The following SEMA3C variants were observed in gnomAD, a reference collection of about 807,000 sequenced individuals.
SEMA3C encodes the protein semaphorin 3C, also known as semaphorin-3C.
SEMA3C carries 47 observed loss-of-function variants against 89.4 expected under a neutral mutation model. That is an observed-to-expected ratio of 0.53 (90% CI 0.42 to 0.67). The LOEUF (loss-of-function observed/expected upper bound fraction) is 0.67. SEMA3C is among the 30% of genes least tolerant of loss of function. The pLI is 0.00. For missense variants in SEMA3C, 839 were observed against 929.1 expected (o/e 0.90, Z 1.26); for synonymous variants, 310 against 320.2 (o/e 0.97, Z 0.34).
chr7:80,901,190 A>C (rs115526315), intron 2 of SEMA3C, among the ~76,000 whole-genome samples: 2,340 of 152,360 alleles, frequency 0.015, 59 homozygotes, highest in African/African-American at 0.053. Flanking sequence ...CAAGTTAGTT[A>C]GAATTAATAA....
chr7:80,892,168 C>T (rs1791630764), intron 2 of SEMA3C, among the ~76,000 whole-genome samples: 1 of 152,096 alleles, frequency 6.6e-6, no homozygotes, highest in Non-Finnish European at 1.5e-5. Context: ...GGCTTCTGTA[C>T]AGTATCTTTA....
At chr7:80,787,822 G>A (rs1788839030) in intron 12 of SEMA3C, among the ~76,000 whole-genome samples, 2 of 152,196 alleles carry the variant, frequency 1.3e-5, no homozygotes, top group South Asian at 4.1e-4. Context: ...AGAGCAGAGT[G>A]AGGAACAGTT....
At chr7:80,903,998 A>G (rs1272140403) in intron 2 of SEMA3C, among the ~76,000 whole-genome samples, 1 of 152,150 alleles carries the variant, frequency 6.6e-6, no homozygotes, top group African/African-American at 2.4e-5. Context: ...ACCTGTATTT[A>G]ATCCCCTATA....
chr7:80,799,899 C>T (rs79159662), intron 10 of SEMA3C, among the ~76,000 whole-genome samples: 53 of 148,504 alleles, frequency 3.6e-4, no homozygotes, highest in African/African-American at 1.3e-3. Flanking sequence ...TGCCTGTAAT[C>T]CCAACACTTT....
At chr7:80,837,498 C>G (rs1195957797) in intron 2 of SEMA3C, among the ~76,000 whole-genome samples, 1 of 152,108 alleles carries the variant, frequency 6.6e-6, no homozygotes, top group Admixed American at 6.6e-5. Context: ...TTAACATGGC[C>G]CTCCAGGCCT....
chr7:80,747,218 T>C (rs1389464774), intron 17 of SEMA3C, among the ~76,000 whole-genome samples: 1 of 152,092 alleles, frequency 6.6e-6, no homozygotes, highest in African/African-American at 2.4e-5. Context: ...AAAATAGTAA[T>C]ATTTGAGTCT....
At chr7:80,868,415 G>A (rs1055206452) in intron 2 of SEMA3C, among the ~76,000 whole-genome samples, 13 of 151,936 alleles carry the variant, frequency 8.6e-5, no homozygotes, top group African/African-American at 2.9e-4. Context: ...CTGTAGACAT[G>A]AGCCACCACA....
intron 12 of SEMA3C, among the ~76,000 whole-genome samples, chr7:80,768,985 G>C (rs998036986): frequency 6.6e-6 from 1 of 152,196 alleles, no homozygotes. Flanking sequence ...GTTCCCTGCT[G>C]CAGTTTGTAA....
At chr7:80,832,143 T>A (rs1052978799) in intron 2 of SEMA3C, among the ~76,000 whole-genome samples, 1 of 152,118 alleles carries the variant, frequency 6.6e-6, no homozygotes, top group Non-Finnish European at 1.5e-5. Context: ...AGCATAGAGA[T>A]GACTTGGTTG....
chr7:80,799,641 A>C (rs1789149218), intron 10 of SEMA3C, among the ~76,000 whole-genome samples: 1 of 151,368 alleles, frequency 6.6e-6, no homozygotes, highest in African/African-American at 2.4e-5. Context: ...CAGGAGTTTG[A>C]GACCAGCCTG....
At chr7:80,767,288 GA>G (rs943893064) in intron 12 of SEMA3C, among the ~76,000 whole-genome samples, 2 of 152,134 alleles carry the variant, frequency 1.3e-5, no homozygotes, top group Non-Finnish European at 2.9e-5. Context: ...TCAAAATGTA[GA>G]GGAAATTTTG....
intron 2 of SEMA3C, among the ~76,000 whole-genome samples, chr7:80,895,930 G>A (rs1447816939): frequency 1.3e-5 from 2 of 151,992 alleles, no homozygotes; most frequent in African/African-American, 4.8e-5. Context: ...ATTTAGGCCT[G>A]TGAATAAAAT....
At chr7:80,834,492 TTATAA>T (rs1275606182) in intron 2 of SEMA3C, among the ~76,000 whole-genome samples, 1 of 152,170 alleles carries the variant, frequency 6.6e-6, no homozygotes, top group African/African-American at 2.4e-5. Context: ...GTTACAGCAA[TTATAA>T]TATAGTTCAA....
intron 15 of SEMA3C, among the ~76,000 whole-genome samples, chr7:80,751,779 TTC>T (rs925522653): frequency 6.6e-6 from 1 of 152,204 alleles, no homozygotes; most frequent in African/African-American, 2.4e-5. Context: ...AGTCAATGTT[TTC>T]TGTTTCTAGA....
At chr7:80,777,240 C>T (rs954497889) in intron 12 of SEMA3C, among the ~76,000 whole-genome samples, 1 of 152,008 alleles carries the variant, frequency 6.6e-6, no homozygotes, top group Non-Finnish European at 1.5e-5. Context: ...AATATATTCC[C>T]TAACCTTTCA....
intron 12 of SEMA3C, among the ~76,000 whole-genome samples, chr7:80,773,407 G>A (rs965728897): frequency 6.6e-5 from 10 of 152,124 alleles, no homozygotes; most frequent in Non-Finnish European, 1.3e-4. Flanking sequence ...TGGTAGAAAC[G>A]TAATCAGGAA....
chr7:80,912,149 T>G (rs1424284228), intron 2 of SEMA3C, among the ~76,000 whole-genome samples: 1 of 152,156 alleles, frequency 6.6e-6, no homozygotes, highest in Non-Finnish European at 1.5e-5. Context: ...AATTACTTTT[T>G]TAAACAGGAA....
At chr7:80,886,355 C>CTTT (rs71893387) in intron 2 of SEMA3C, among the ~76,000 whole-genome samples, 1 of 141,204 alleles carries the variant, frequency 7.1e-6, no homozygotes, top group Non-Finnish European at 1.6e-5. Context: ...GGAAATTAAA[C>CTTT]TTTTTTTTTT....
chr7:80,919,228 T>A (rs1792355292), upstream of SEMA3C: 21 of 985,092 alleles, frequency 2.1e-5, no homozygotes, highest in Non-Finnish European at 2.5e-5. Context: ...CGCGAGAGCC[T>A]GGCAGGGAGC....
Sources: allele counts gnomAD v4.1 joint callset (sites outside exome capture counted in the v4.1 genomes callset), GRCh38; gene constraint gnomAD v4.1.1; transcripts MANE v1.5; gene names NCBI Gene and HGNC (gene_info 2026-07-23, HGNC 2026-07-21).